Variants in SPRED2 observed in about 807,000 individuals in gnomAD.
SPRED2 encodes the protein sprouty related EVH1 domain containing 2, also known as sprouty-related, EVH1 domain-containing protein 2.
SPRED2 carries 47 observed loss-of-function variants against 43.0 expected under a neutral mutation model. The ratio of observed to expected loss-of-function variants is 1.09; its 90% CI spans 0.87 to 1.40. The LOEUF is 1.40. Among genes scored for constraint, SPRED2 ranks in the 40% most tolerant of loss-of-function variants. The pLI, the probability that SPRED2 is intolerant of heterozygous loss-of-function variation, is 0.00. For missense variants in SPRED2, 561 were observed against 586.4 expected (o/e 0.96, Z 0.45); for synonymous variants, 225 against 225.7 (o/e 1.00, Z 0.03).
chr2:65,343,793 C>CA (rs530078268), intron 2 of SPRED2, among the ~76,000 whole-genome samples: 128 of 152,290 alleles, frequency 8.4e-4, no homozygotes, highest in African/African-American at 3.0e-3. Context: ...GTCAATCCCC[C>CA]ACCCTTGGGA....
At chr2:65,338,113 A>G (rs904837786) in intron 2 of SPRED2, among the ~76,000 whole-genome samples, 1 of 152,054 alleles carries the variant, frequency 6.6e-6, no homozygotes, top group African/African-American at 2.4e-5. Context: ...ATCAGGGATG[A>G]GTAAGAGATC....
At chr2:65,431,031 T>C (rs1676672221) in intron 1 of SPRED2, among the ~76,000 whole-genome samples, 1 of 151,266 alleles carries the variant, frequency 6.6e-6, no homozygotes. Context: ...GGAGGGAAAA[T>C]GCCAAACTGG....
chr2:65,357,189 CT>C (rs935718410), intron 1 of SPRED2, among the ~76,000 whole-genome samples: 1 of 152,116 alleles, frequency 6.6e-6, no homozygotes, highest in Non-Finnish European at 1.5e-5. Flanking sequence ...CATTTAGTTC[CT>C]TTTTTTCTAG....
chr2:65,377,679 G>A (rs1414436038), intron 1 of SPRED2: 1 of 471,144 alleles, frequency 2.1e-6, no homozygotes, highest in East Asian at 6.9e-5. Flanking sequence ...ACTGCATAGA[G>A]CCATCTGCAC....
At chr2:65,403,211 T>C (rs1483689719) in intron 1 of SPRED2, among the ~76,000 whole-genome samples, 2 of 152,232 alleles carry the variant, frequency 1.3e-5, no homozygotes, top group African/African-American at 4.8e-5. Context: ...GAGACAACTA[T>C]TAAATATTTC....
intron 2 of SPRED2, among the ~76,000 whole-genome samples, chr2:65,342,751 G>A (rs917776000): frequency 6.6e-6 from 1 of 152,182 alleles, no homozygotes; most frequent in Non-Finnish European, 1.5e-5. Flanking sequence ...GAGAATGTTA[G>A]GGCAATGTTG....
Position 65,362,868 on chromosome 2 carries a change from A to G in SPRED2, c.27-17972T>C, listed in dbSNP as rs1267674185. Among the ~76,000 whole-genome samples, 12 of 150,346 alleles carry G rather than the reference A, an allele frequency of 8.0e-5. No homozygotes were observed. The South Asian group carries it at 2.1e-3, about 26-fold the overall frequency. On this transcript the variant is annotated intron_variant, in intron 1 of 5. Coordinates refer to ENST00000356388, the MANE Select transcript of SPRED2 (RefSeq NM_181784.3). ...AGTGAAACTCCATTTCAAAAAAAAA[A>G]AGAAAAGAAAAGAAAAGAAAAAAAC...
At chr2:65,414,077 T>G (rs545242479) in intron 1 of SPRED2, among the ~76,000 whole-genome samples, 74 of 152,302 alleles carry the variant, frequency 4.9e-4, no homozygotes, top group African/African-American at 1.8e-3. Flanking sequence ...ATGCTACTAG[T>G]AAAACTACTT....
chr2:65,363,204 A>G (rs893734396), intron 1 of SPRED2, among the ~76,000 whole-genome samples: 1 of 133,692 alleles, frequency 7.5e-6, no homozygotes, highest in Non-Finnish European at 1.5e-5. Context: ...GTGCCATTGC[A>G]CTCCACCCTG....
chr2:65,420,374 A>C (rs917584078), intron 1 of SPRED2, among the ~76,000 whole-genome samples: 3 of 152,164 alleles, frequency 2.0e-5, no homozygotes, highest in Non-Finnish European at 4.4e-5. Flanking sequence ...GGGGAAACAA[A>C]GGGGCCTCTC....
chr2:65,423,978 G>T (rs928603473), intron 1 of SPRED2, among the ~76,000 whole-genome samples: 14 of 152,076 alleles, frequency 9.2e-5, no homozygotes, highest in African/African-American at 3.1e-4. Flanking sequence ...TAGTAGAGAT[G>T]GGGTTTCTCC....
chr2:65,331,842 T>G, intron 4 of SPRED2, 145 bp downstream of exon 4: 1 of 579,970 alleles, frequency 1.7e-6, no homozygotes, highest in Non-Finnish European at 3.1e-6. Context: ...CTGAGAAAAA[T>G]TGTAGTAAGA....
intron 1 of SPRED2, among the ~76,000 whole-genome samples, chr2:65,415,445 G>A (rs1676250848): frequency 1.1e-5 from 1 of 88,844 alleles, no homozygotes; most frequent in Non-Finnish European, 2.3e-5. Flanking sequence ...TGTTAACAAA[G>A]TTTTGTTAAA....
At chr2:65,426,926 C>A (rs1381134401) in intron 1 of SPRED2, among the ~76,000 whole-genome samples, 1 of 152,210 alleles carries the variant, frequency 6.6e-6, no homozygotes, top group East Asian at 1.9e-4. Flanking sequence ...CAGACCACAA[C>A]CAGCTGATGG....
intron 1 of SPRED2, among the ~76,000 whole-genome samples, chr2:65,378,942 G>A (rs551186933): frequency 6.6e-6 from 1 of 152,168 alleles, no homozygotes; most frequent in Non-Finnish European, 1.5e-5. Context: ...AAGGGTAAGC[G>A]AATGAGAAAG....
intron 1 of SPRED2, among the ~76,000 whole-genome samples, chr2:65,390,778 T>C (rs1332330148): frequency 6.6e-6 from 1 of 152,132 alleles, no homozygotes; most frequent in Admixed American, 6.5e-5. Flanking sequence ...TCACGTTAAT[T>C]TTATCATCAG....
chr2:65,378,774 G>A (rs969083451), intron 1 of SPRED2, among the ~76,000 whole-genome samples: 1 of 152,130 alleles, frequency 6.6e-6, no homozygotes, highest in African/African-American at 2.4e-5. Context: ...GAATCACCTG[G>A]AGGGGTTACT....
At chr2:65,392,102 T>G (rs1675649692) in intron 1 of SPRED2, among the ~76,000 whole-genome samples, 1 of 152,060 alleles carries the variant, frequency 6.6e-6, no homozygotes, top group African/African-American at 2.4e-5. Flanking sequence ...TTTGTTAAAT[T>G]TGTCTCTGAT....
Position 65,311,985 on chromosome 2 carries a change from C to A in SPRED2, c.*1516G>T, listed in dbSNP as rs973709358. On this transcript the variant is annotated 3_prime_UTR_variant, in exon 6 of 6. Transcript: ENST00000356388. Reference sequence around the variant, plus strand: ...CTGCTGGCCGCTACCACAGAAAGATCGTGGCGGGAAGAACAGCCGGCGTCC... The same window carrying A: ...CTGCTGGCCGCTACCACAGAAAGATAGTGGCGGGAAGAACAGCCGGCGTCC... 6 of 985,136 alleles carry A rather than the reference C, an allele frequency of 6.1e-6. No homozygotes were observed. Among genetic ancestry groups the A allele is most frequent in the South Asian group, 9.4e-5 (2 of 21,264 alleles). The allele number at this position is 985,136 out of a possible 1,614,324, so 61.0% of individuals were successfully genotyped here. A position where few individuals can be genotyped will look rare whatever the true frequency, so the allele number is the denominator to read the frequency against.
Sources: gnomAD v4.1 joint callset for allele counts (sites outside exome capture counted in the v4.1 genomes callset) on GRCh38, gnomAD v4.1.1 for gene constraint, MANE v1.5 for transcripts, NCBI Gene and HGNC (gene_info 2026-07-23, HGNC 2026-07-21) for gene names.